ANKS6: variants seen among roughly 807,000 people sequenced by gnomAD.
ANKS6 encodes ankyrin repeat and SAM domain-containing protein 6.
Under a neutral mutation model 77.9 loss-of-function variants are expected in ANKS6, and 47 were observed. That is an observed-to-expected ratio of 0.60 (90% CI 0.48 to 0.77). The LOEUF is 0.77. ANKS6 is among the 30% of genes least tolerant of loss of function. The pLI, the probability that ANKS6 is intolerant of heterozygous loss-of-function variation, is 0.00. For missense variants in ANKS6, 1,150 were observed against 1,159.1 expected (o/e 0.99, Z 0.11); for synonymous variants, 488 against 501.7 (o/e 0.97, Z 0.37).
rs1831251524 is a variant in ANKS6 at position 98,732,450 on chromosome 9, G to A, written c.*4069C>T. 4.1e-5 allele frequency: 63 copies of A among 1,535,780 alleles called. 1 individual carries two copies. Among genetic ancestry groups the A allele is most frequent in the South Asian group, 3.6e-4 (30 of 83,670 alleles). Reference sequence around the variant, plus strand: ...GGCACATTTGGAGGGCAGGTCCATCGGCCACTCCTCACTTCTGTGGGCTCC... The same window carrying A: ...GGCACATTTGGAGGGCAGGTCCATCAGCCACTCCTCACTTCTGTGGGCTCC... On this transcript the variant is annotated 3_prime_UTR_variant, in exon 15 of 15. Transcript: ENST00000353234.
chr9:98,736,000 ACCC>A lies in ANKS6; in HGVS notation c.*516_*518del. ...AGGCTAACCTCTCACCATAATACAT[ACCC>A]CCCATCTAAGTCAAAAGTTGTTGCT... On this transcript the variant is annotated 3_prime_UTR_variant, in exon 15 of 15. Transcript: ENST00000353234. 8.2e-7 allele frequency: 1 copy of A among 1,219,408 alleles called. No individual in the cohort carries two copies. Among genetic ancestry groups the A allele is most frequent in the Non-Finnish European group, 1.0e-6 (1 of 980,668 alleles). 75.5% of individuals were successfully genotyped at this position (1,219,408 alleles called of 1,614,324 possible). A position where few individuals can be genotyped will look rare whatever the true frequency, so the allele number is the denominator to read the frequency against.
intron 6 of ANKS6, among the ~76,000 whole-genome samples, chr9:98,779,974 A>G (rs1834148005): frequency 1.3e-5 from 2 of 152,282 alleles, no homozygotes; most frequent in South Asian, 4.1e-4. Flanking sequence ...GTGGACCCAC[A>G]TTCTTACAAA....
At chr9:98,758,324 C>CTTTTTTTT (rs35699060) in intron 11 of ANKS6, among the ~76,000 whole-genome samples, 7 of 134,834 alleles carry the variant, frequency 5.2e-5, no homozygotes, top group African/African-American at 8.2e-5. Flanking sequence ...CGCCATCTTT[C>CTTTTTTTT]TTTTTTTTTT....
At chr9:98,738,588 A>AC (rs1379317133) in intron 14 of ANKS6, among the ~76,000 whole-genome samples, 4 of 152,074 alleles carry the variant, frequency 2.6e-5, no homozygotes, top group Non-Finnish European at 5.9e-5. Context: ...AAATAAAAAA[A>AC]AAAACAGTAG....
chr9:98,735,032 G>A lies in ANKS6; in HGVS notation c.*1487C>T. ...CATAGGGGAATGGGCTTTCATGGCT[G>A]GGGGAGGGACAGATGAGAGATGGCA... On this transcript the variant is annotated 3_prime_UTR_variant, in exon 15 of 15. Coordinates refer to ENST00000353234, the MANE Select transcript of ANKS6 (RefSeq NM_173551.5). 4 of 985,384 alleles carry A rather than the reference G, an allele frequency of 4.1e-6. No individual in the cohort carries two copies. Among genetic ancestry groups the A allele is most frequent in the Non-Finnish European group, 3.6e-6 (3 of 829,914 alleles). The allele number at this position is 985,384 out of a possible 1,614,324, so 61.0% of individuals were successfully genotyped here.
chr9:98,733,001 T>C lies in ANKS6; in HGVS notation c.*3518A>G, dbSNP rs924090321. ...TCTCTCCTCTGGGGCGTGCCCAGGC[T>C]GAGCCTGAGCCATCATCGATGACTT... On this transcript the variant is annotated 3_prime_UTR_variant, in exon 15 of 15. Transcript: ENST00000353234. The C allele has an allele frequency of 3.9e-5, 37 of 948,894 alleles. No individual in the cohort carries two copies. The highest frequency in any genetic ancestry group is 4.7e-5 in the Non-Finnish European group (37 of 788,862). 58.8% of individuals were successfully genotyped at this position (948,894 alleles called of 1,614,324 possible). A position where few individuals can be genotyped will look rare whatever the true frequency, so the allele number is the denominator to read the frequency against.
At chr9:98,786,095 C>T (rs1351978565) in intron 2 of ANKS6, among the ~76,000 whole-genome samples, 1 of 151,990 alleles carries the variant, frequency 6.6e-6, no homozygotes, top group Admixed American at 6.6e-5. Context: ...TCTTGTGCCT[C>T]AGCCTCCCGA....
intron 12 of ANKS6, among the ~76,000 whole-genome samples, chr9:98,752,396 C>T (rs1416941496): frequency 6.6e-6 from 1 of 151,998 alleles, no homozygotes; most frequent in Admixed American, 6.6e-5. Flanking sequence ...TTTTTTAACT[C>T]ATTCATTCAA....
At chr9:98,778,510 T>A in intron 6 of ANKS6, 86 bp from the exon 7 acceptor site, 1 of 1,291,636 alleles carries the variant, frequency 7.7e-7, no homozygotes, top group Non-Finnish European at 1.1e-6. Flanking sequence ...AGACAGTGAC[T>A]ACATTCACAT....
intron 2 of ANKS6, among the ~76,000 whole-genome samples, chr9:98,785,254 T>A (rs1834502435): frequency 6.6e-6 from 1 of 152,226 alleles, no homozygotes. Flanking sequence ...ATTTTTTTTC[T>A]TCTAAAAACT....
At chr9:98,779,108 C>T (rs551669342) in intron 6 of ANKS6, among the ~76,000 whole-genome samples, 3 of 152,192 alleles carry the variant, frequency 2.0e-5, no homozygotes, top group Non-Finnish European at 2.9e-5. Flanking sequence ...ACAAAAGGAG[C>T]GCCGAGTCTG....
chr9:98,768,270 G>C lies in ANKS6; in HGVS notation c.1973-20C>G. On this transcript the variant is annotated intron_variant, in intron 10 of 14. Transcript: ENST00000353234. ...TGCCACCTGAGGAAACACAAAATGA[G>C]TGAACACCATGGGCACAGAGGGCTT... 1 of 1,613,492 alleles carries C rather than the reference G, an allele frequency of 6.2e-7. No individual in the cohort carries two copies. Among genetic ancestry groups the C allele is most frequent in the Non-Finnish European group, 8.5e-7 (1 of 1,179,962 alleles).
intron 12 of ANKS6, among the ~76,000 whole-genome samples, chr9:98,753,858 C>G (rs1460930879): frequency 6.6e-6 from 1 of 152,120 alleles, no homozygotes; most frequent in East Asian, 1.9e-4. Flanking sequence ...ATTTTAAGTA[C>G]AATATACTGT....
chr9:98,790,156 G>C lies in ANKS6; in HGVS notation c.810C>G (p.His270Gln). Residue 270 changes from histidine (H) to glutamine (Q), a missense_variant, in exon 2 of 15, where the codon CAC (histidine) becomes CAG (glutamine). Coordinates refer to ENST00000353234, the MANE Select transcript of ANKS6 (RefSeq NM_173551.5). ...GGTCCAGGTAGTCTACAAGGTCCCT[G>C]TGCTTGCAGTCCAGTGCAACCTCGA... ...TAFEVALDCKHRDLVDYLDPL... is the reference protein window; with the variant it reads ...TAFEVALDCKQRDLVDYLDPL... 6.3e-7 allele frequency: 1 copy of C among 1,591,436 alleles called. No individual in the cohort carries two copies. Among genetic ancestry groups the C allele is most frequent in the East Asian group, 2.3e-5 (1 of 44,224 alleles).
chr9:98,732,622 C>T lies in ANKS6; in HGVS notation c.*3897G>A. On this transcript the variant is annotated 3_prime_UTR_variant, in exon 15 of 15. Transcript: ENST00000353234. ...GAAAGGATTTAAAATGGGCAACCAT[C>T]TTTGAGGTTTCCCACATCTGCACCG... 6.5e-7 allele frequency: 1 copy of T among 1,548,812 alleles called. No homozygotes were observed. The highest frequency in any genetic ancestry group is 8.7e-7 in the Non-Finnish European group (1 of 1,146,582).
Position 98,780,222 on chromosome 9 carries a change from G to A in ANKS6, c.1335C>T (p.Ile445=). The A allele has an allele frequency of 6.2e-7, 1 of 1,614,144 alleles. No homozygotes were observed. Among genetic ancestry groups the A allele is most frequent in the Non-Finnish European group, 8.5e-7 (1 of 1,180,040 alleles). ...PHSKVRQPWS[I]PVLPDDKGGL... ...CACCCTTGTCATCGGGCAGCACTGG[G>A]ATGCTCCAGGGCTGTCGGACCTTCG... The change falls in exon 6 of 15, where the codon ATC becomes ATT. Residue 445 remains isoleucine, a synonymous_variant. Coordinates refer to ENST00000353234, the MANE Select transcript of ANKS6 (RefSeq NM_173551.5).
chr9:98,763,771 T>C (rs993968442), intron 11 of ANKS6, among the ~76,000 whole-genome samples: 14 of 152,126 alleles, frequency 9.2e-5, no homozygotes, highest in Non-Finnish European at 1.9e-4. Context: ...AAATTACCAA[T>C]AGAGGAATGA....
At chr9:98,736,927 CCCGGATTCGAGGTCT>C (rs2131916813) in intron 14 of ANKS6, among the ~76,000 whole-genome samples, 1 of 152,286 alleles carries the variant, frequency 6.6e-6, no homozygotes, top group African/African-American at 2.4e-5. Flanking sequence ...AGTCGCACGG[CCCGGATTCGAGGTCT>C]CCTTTCCTGC....
chr9:98,790,327 C>T lies in ANKS6; in HGVS notation c.639G>A (p.Trp213Ter), dbSNP rs1190057558. The T allele has an allele frequency of 1.9e-6, 3 of 1,610,350 alleles. No individual in the cohort carries two copies. The highest frequency in any genetic ancestry group is 1.7e-5 in the Admixed American group (1 of 59,964). ...GGGCTGCGTGGTTGGGGTCCGCGCC[C>T]CACTCCATCAGTAGACGCACCACGG... Reference protein sequence around the residue: ...HEAVVRLLMEWGADPNHAART... With the variant: ...HEAVVRLLME The change falls in exon 2 of 15, where the codon TGG becomes TGA. Residue 213 changes from tryptophan to a stop codon, truncating the protein, a stop_gained. Coordinates refer to ENST00000353234, the MANE Select transcript of ANKS6 (RefSeq NM_173551.5). LOFTEE classifies it high-confidence loss of function.
Sources: gnomAD v4.1 joint callset for allele counts (sites outside exome capture counted in the v4.1 genomes callset) on GRCh38, gnomAD v4.1.1 for gene constraint, MANE v1.5 for transcripts, NCBI Gene and HGNC (gene_info 2026-07-23, HGNC 2026-07-21) for gene names.